RBM20: variants seen among roughly 807,000 people sequenced by gnomAD.
RBM20 encodes RNA-binding protein 20.
In RBM20, 51 loss-of-function variants were observed where a neutral mutation model predicts 110.1. That is an observed-to-expected ratio of 0.46 (90% CI 0.37 to 0.59). RBM20 has a LOEUF of 0.59. Ranked by LOEUF, RBM20 falls within the 20% of genes least tolerant of loss-of-function variation. The pLI is 0.00. For synonymous variants in RBM20, 589 were observed against 618.2 expected (o/e 0.95, Z 0.70); for missense variants, 1,512 against 1,574.9 (o/e 0.96, Z 0.68).
At chr10:110,753,334 C>A (rs1349111270) in intron 1 of RBM20, among the ~76,000 whole-genome samples, 1 of 152,116 alleles carries the variant, frequency 6.6e-6, no homozygotes, top group East Asian at 1.9e-4. Context: ...TTTAACCACT[C>A]CCAACTTATT....
intron 1 of RBM20, among the ~76,000 whole-genome samples, chr10:110,646,668 T>C (rs11195252): frequency 0.1 from 15,857 of 152,288 alleles, 1,091 homozygotes; most frequent in East Asian, 0.26. Context: ...GAACCAGATA[T>C]AATGTCGCAA....
intron 5 of RBM20, among the ~76,000 whole-genome samples, chr10:110,796,190 C>T (rs1423622190): frequency 6.6e-6 from 1 of 152,180 alleles, no homozygotes; most frequent in Non-Finnish European, 1.5e-5. Flanking sequence ...CATCTTACTG[C>T]CTTCCCATTC....
At chr10:110,807,323 G>C (rs893298519) in intron 7 of RBM20, among the ~76,000 whole-genome samples, 6 of 152,200 alleles carry the variant, frequency 3.9e-5, no homozygotes, top group African/African-American at 1.4e-4. Context: ...AGGTTCTGTG[G>C]TTAAGAAAAT....
intron 1 of RBM20, among the ~76,000 whole-genome samples, chr10:110,766,241 A>G (rs1049238781): frequency 6.6e-6 from 1 of 152,240 alleles, no homozygotes; most frequent in African/African-American, 2.4e-5. Flanking sequence ...GGCACATGCA[A>G]ATGTGATGAA....
chr10:110,712,031 C>G (rs1862938555), intron 1 of RBM20, among the ~76,000 whole-genome samples: 1 of 152,186 alleles, frequency 6.6e-6, no homozygotes, highest in Non-Finnish European at 1.5e-5. Flanking sequence ...TTATTAGAAT[C>G]AGTAATAGTA....
rs1045844360 is a variant in RBM20 at position 110,812,755 on chromosome 10, C to T, written c.2358C>T (p.Asp786=). The T allele has an allele frequency of 3.6e-5, 56 of 1,551,592 alleles. No individual in the cohort carries two copies. Among genetic ancestry groups the T allele is most frequent in the South Asian group, 1.4e-4 (12 of 84,060 alleles). ...QDAPGRSRRK[D]EARLRESRHP... is the part of the protein sequence containing the mutation. ...CCCCCGGGAGGTCCAGGAGGAAAGA[C>T]GAGGCCAGGCTGCGGGAAAGCAGAC... Residue 786 remains aspartate, a synonymous_variant, in exon 9 of 14, where the codon GAC becomes GAT. Coordinates refer to ENST00000369519, the MANE Select transcript of RBM20 (RefSeq NM_001134363.3).
intron 1 of RBM20, among the ~76,000 whole-genome samples, chr10:110,648,913 C>T (rs1340349083): frequency 1.3e-5 from 2 of 152,056 alleles, no homozygotes; most frequent in Non-Finnish European, 2.9e-5. Flanking sequence ...GTACATTATT[C>T]CCATTAGTCA....
intron 1 of RBM20, among the ~76,000 whole-genome samples, chr10:110,736,024 C>G (rs926747456): frequency 6.6e-6 from 1 of 152,202 alleles, no homozygotes; most frequent in Non-Finnish European, 1.5e-5. Flanking sequence ...CCCTTCCACA[C>G]GCCAGCCTGT....
chr10:110,690,479 A>G (rs1862571045), intron 1 of RBM20, among the ~76,000 whole-genome samples: 1 of 152,114 alleles, frequency 6.6e-6, no homozygotes, highest in African/African-American at 2.4e-5. Context: ...TTAACCACCC[A>G]CACTATTTCC....
Position 110,699,835 on chromosome 10 carries a change from G to A in RBM20, c.191+55190G>A, listed in dbSNP as rs914295312. 3.3e-5 allele frequency among the ~76,000 whole-genome samples: 5 copies of A among 152,178 alleles called. No homozygotes were observed. In the East Asian group the frequency reaches 9.7e-4, roughly 29 times the overall value. On this transcript the variant is annotated intron_variant, in intron 1 of 13. Coordinates refer to ENST00000369519, the MANE Select transcript of RBM20 (RefSeq NM_001134363.3). ...AGGCACAGTACTCTTGTGCGTTGGG[G>A]CCATTATGAAGCGAAATAAGGATGT...
At chr10:110,671,650 A>G (rs945549373) in intron 1 of RBM20, among the ~76,000 whole-genome samples, 2 of 152,154 alleles carry the variant, frequency 1.3e-5, no homozygotes, top group Non-Finnish European at 2.9e-5. Context: ...AGTATTATGC[A>G]TTGTGCGCTC....
chr10:110,789,290 G>T (rs970581285), intron 5 of RBM20, among the ~76,000 whole-genome samples: 4 of 152,150 alleles, frequency 2.6e-5, no homozygotes, highest in Non-Finnish European at 4.4e-5. Flanking sequence ...TAAAAGGACC[G>T]CAAAGACCAT....
intron 1 of RBM20, among the ~76,000 whole-genome samples, chr10:110,678,272 A>C (rs1433210237): frequency 6.6e-6 from 1 of 152,252 alleles, no homozygotes; most frequent in Non-Finnish European, 1.5e-5. Context: ...AATTATGCAA[A>C]AAAATGTTTA....
At chr10:110,717,938 G>T (rs1843453789) in intron 1 of RBM20, among the ~76,000 whole-genome samples, 1 of 152,254 alleles carries the variant, frequency 6.6e-6, no homozygotes, top group South Asian at 2.1e-4. Flanking sequence ...AGTGCATGGA[G>T]AGAAACAATC....
intron 1 of RBM20, among the ~76,000 whole-genome samples, chr10:110,763,999 G>A (rs1187059900): frequency 1.3e-5 from 2 of 152,036 alleles, no homozygotes; most frequent in Non-Finnish European, 2.9e-5. Context: ...ATTACCCTGG[G>A]GGCCAAAATC....
chr10:110,663,400 C>T (rs1360790117), intron 1 of RBM20, among the ~76,000 whole-genome samples: 1 of 152,148 alleles, frequency 6.6e-6, no homozygotes, highest in East Asian at 1.9e-4. Context: ...CCAGGGCGTA[C>T]TATTAAATGA....
At position 110,829,825 on chromosome 10, in the gene RBM20, T is replaced by C. The variant is rs543325902; in HGVS notation, c.3452-1236T>C. 2.9e-4 allele frequency among the ~76,000 whole-genome samples: 44 copies of C among 152,268 alleles called. 1 individual carries two copies. The South Asian group carries it at 9.1e-3, about 32-fold the overall frequency. ...TCCCTGCAAGAAATTGCTGTTCCCCTGCCTGTGCCATTCCCAGGCCCCTTC... is the reference window on the plus strand; with the variant it reads ...TCCCTGCAAGAAATTGCTGTTCCCCCGCCTGTGCCATTCCCAGGCCCCTTC... On this transcript the variant is annotated intron_variant, in intron 12 of 13. Coordinates refer to ENST00000369519, the MANE Select transcript of RBM20 (RefSeq NM_001134363.3).
At chr10:110,725,029 C>CACT (rs1208522477) in intron 1 of RBM20, among the ~76,000 whole-genome samples, 5 of 152,302 alleles carry the variant, frequency 3.3e-5, no homozygotes, top group Admixed American at 2.0e-4. Flanking sequence ...TAAACACTGT[C>CACT]ACTGAGCTCT....
intron 1 of RBM20, among the ~76,000 whole-genome samples, chr10:110,703,884 G>A (rs1862795755): frequency 6.6e-6 from 1 of 152,190 alleles, no homozygotes; most frequent in Non-Finnish European, 1.5e-5. Context: ...GGCCACGGTG[G>A]GTGGATCACT....
Sources: allele counts gnomAD v4.1 joint callset (sites outside exome capture counted in the v4.1 genomes callset), GRCh38; gene constraint gnomAD v4.1.1; transcripts MANE v1.5; gene names NCBI Gene and HGNC (gene_info 2026-07-23, HGNC 2026-07-21).